Variants in ZNF730 observed in about 807,000 individuals in gnomAD.
ZNF730 encodes putative zinc finger protein 730.
A neutral mutation model predicts 12.6 loss-of-function variants in ZNF730; 12 were observed. That is an observed-to-expected ratio of 0.95 (90% CI 0.61 to 1.54). The LOEUF (loss-of-function observed/expected upper bound fraction) is 1.54, where lower values mean the gene tolerates loss of function less well. Ranked by LOEUF, ZNF730 falls within the 40% of genes most tolerant of loss-of-function variation. ZNF730 has a pLI of 0.00. For missense variants in ZNF730, 643 were observed against 583.5 expected (o/e 1.10, Z -1.05); for synonymous variants, 194 against 195.8 (o/e 0.99, Z 0.08).
At chr19:23,109,132 AT>A (rs370174681) in intron 1 of ZNF730, among the ~76,000 whole-genome samples, 12 of 150,492 alleles carry the variant, frequency 8.0e-5, no homozygotes, top group East Asian at 2.0e-4. Context: ...AAGAAACAGA[AT>A]TTTTTTTTTG....
chr19:23,134,494 C>A (rs1303942344), intron 2 of ZNF730, among the ~76,000 whole-genome samples: 2 of 147,300 alleles, frequency 1.4e-5, no homozygotes, highest in Admixed American at 6.7e-5. Context: ...GCCCCCCGCC[C>A]GGCCGGCCGC....
At chr19:23,087,412 AAAAAAAAG>A (rs1255645992) in intron 1 of ZNF730, among the ~76,000 whole-genome samples, 1 of 151,914 alleles carries the variant, frequency 6.6e-6, no homozygotes, top group African/African-American at 2.4e-5. Context: ...CGTCTCAAAG[AAAAAAAAG>A]AAAAAAAGAA....
Position 23,117,156 on chromosome 19 carries a change from C to A in ZNF730, c.-18C>A, listed in dbSNP as rs754999863. On this transcript the variant is annotated 5_prime_UTR_variant, in exon 1 of 4. Transcript: ENST00000597761. Reference sequence around the variant, plus strand: ...GAGATCCACAGCTAAGACGCCAGGGCCCCCTGGAAGCCTAGAAATGGTGAG... The same window carrying A: ...GAGATCCACAGCTAAGACGCCAGGGACCCCTGGAAGCCTAGAAATGGTGAG... The A allele has an allele frequency of 1.2e-6, 2 of 1,613,710 alleles. No homozygotes were observed. The highest frequency in any genetic ancestry group is 1.7e-6 in the Non-Finnish European group (2 of 1,179,706).
intron 3 of ZNF730, among the ~76,000 whole-genome samples, chr19:23,137,386 A>C (rs1970850186): frequency 6.6e-6 from 1 of 152,162 alleles, no homozygotes; most frequent in Non-Finnish European, 1.5e-5. Context: ...TTTATCAGAT[A>C]GTTTAAGTGT....
At chr19:23,107,449 CAAAA>C (rs57120684) in intron 1 of ZNF730, among the ~76,000 whole-genome samples, 9 of 47,320 alleles carry the variant, frequency 1.9e-4, no homozygotes, top group South Asian at 2.5e-3. Context: ...AAAAAAATAC[CAAAA>C]AAAAAAAAAA....
chr19:23,109,049 G>A (rs1004150544), intron 1 of ZNF730, among the ~76,000 whole-genome samples: 1 of 152,062 alleles, frequency 6.6e-6, no homozygotes, highest in Non-Finnish European at 1.5e-5. Flanking sequence ...ACAGCACCCA[G>A]CCAAAAAATT....
intron 3 of ZNF730, 117 bp downstream of exon 3, chr19:23,136,160 G>T (rs1599598744): frequency 4.3e-6 from 3 of 691,686 alleles, no homozygotes; most frequent in East Asian, 8.1e-5. Context: ...AATAGTTTCT[G>T]TTTCTTTTTA....
At chr19:23,139,467 C>G (rs1970882731) in intron 3 of ZNF730, among the ~76,000 whole-genome samples, 1 of 152,264 alleles carries the variant, frequency 6.6e-6, no homozygotes, top group Middle Eastern at 3.4e-3. Context: ...TACCTTTCCT[C>G]CATGAGTACA....
intron 1 of ZNF730, among the ~76,000 whole-genome samples, chr19:23,104,680 C>CTGTT (rs895472203): frequency 6.6e-5 from 10 of 152,258 alleles, no homozygotes; most frequent in East Asian, 1.9e-4. Context: ...ACTGGAGAAA[C>CTGTT]TGTTTGTTTG....
chr19:23,126,818 C>T, intron 1 of ZNF730: 1 of 540,732 alleles, frequency 1.8e-6, no homozygotes, highest in Non-Finnish European at 3.7e-6. Flanking sequence ...TTGCTTTATC[C>T]AGTGCTATAT....
intron 1 of ZNF730, among the ~76,000 whole-genome samples, chr19:23,091,941 G>C (rs190874179): frequency 6.6e-6 from 1 of 152,080 alleles, no homozygotes; most frequent in African/African-American, 2.4e-5. Flanking sequence ...GAGGGGCCAG[G>C]GGCAGAATGA....
chr19:23,116,315 TTTTCTTTTC>T (rs145964859), upstream of ZNF730, among the ~76,000 whole-genome samples: 85,565 of 149,182 alleles, frequency 0.57, 26,231 homozygotes, highest in South Asian at 0.72. Flanking sequence ...TTTTCTTTTC[TTTTCTTTTC>T]TTTCTTTCTT....
chr19:23,088,104 C>T (rs1232287942), intron 1 of ZNF730, among the ~76,000 whole-genome samples: 5 of 151,926 alleles, frequency 3.3e-5, no homozygotes, highest in Middle Eastern at 3.4e-3. Context: ...CTGGAACCTC[C>T]GCCTCCCGGG....
chr19:23,102,656 C>T (rs1011765139), intron 1 of ZNF730, among the ~76,000 whole-genome samples: 3 of 151,894 alleles, frequency 2.0e-5, no homozygotes, highest in East Asian at 1.9e-4. Flanking sequence ...CCACCAATCC[C>T]GGCTAATTTT....
At chr19:23,135,869 A>G (rs1179859555) in intron 2 of ZNF730, 79 bp from the exon 3 acceptor site, 4 of 1,318,468 alleles carry the variant, frequency 3.0e-6, no homozygotes, top group Non-Finnish European at 4.2e-6. Flanking sequence ...ATATTCCATT[A>G]CATTCTCTTT....
intron 1 of ZNF730, 105 bp downstream of exon 1, chr19:23,117,281 T>C (rs1261539617): frequency 1.3e-6 from 2 of 1,591,882 alleles, no homozygotes; most frequent in African/African-American, 1.3e-5. Flanking sequence ...AGCTTCACAA[T>C]CTGCGCCCAG....
Position 23,101,139 on chromosome 19 carries a change from A to T in ZNF730, c.-94+25752A>T, listed in dbSNP as rs1970331688. ...TGCATATTGTATAAATCATCAAGTG[A>T]AACTATCATAAGAGAACATAGCACA... On this transcript the variant is annotated intron_variant, in intron 1 of 2. Transcript: ENST00000593635. Among the ~76,000 whole-genome samples the T allele has an allele frequency of 2.0e-5, 3 of 152,350 alleles. 1 individual carries two copies. Among genetic ancestry groups the T allele is most frequent in the South Asian group, 4.1e-4 (2 of 4,828 alleles).
chr19:23,135,978 C>G lies in ZNF730; in HGVS notation c.161C>G (p.Thr54Ser). 1 of 1,609,610 alleles carries G rather than the reference C, an allele frequency of 6.2e-7. No individual in the cohort carries two copies. The highest frequency in any genetic ancestry group is 8.5e-7 in the Non-Finnish European group (1 of 1,177,976). Residue 54 changes from threonine to serine, a missense_variant, in exon 3 of 4, where the codon ACC becomes AGC. Transcript: ENST00000597761. ...GIAVSKPDLI[T>S]CLEQEKEPWN... ...GCTGTCTCAAAGCCAGACCTGATCA[C>G]CTGTCTGGAGCAAGAAAAAGAGCCT...
At chr19:23,089,006 G>C (rs1188339094) in intron 1 of ZNF730, among the ~76,000 whole-genome samples, 1 of 151,794 alleles carries the variant, frequency 6.6e-6, no homozygotes, top group Non-Finnish European at 1.5e-5. Flanking sequence ...TCGAGTAGCT[G>C]GGATTACAGG....
Sources: allele counts gnomAD v4.1 joint callset (sites outside exome capture counted in the v4.1 genomes callset), GRCh38; gene constraint gnomAD v4.1.1; transcripts MANE v1.5; gene names NCBI Gene and HGNC (gene_info 2026-07-23, HGNC 2026-07-21).